Variants in BNC2 observed in about 807,000 individuals in gnomAD.
The protein encoded by BNC2 is basonuclin zinc finger protein 2.
Under a neutral mutation model 76.3 loss-of-function variants are expected in BNC2, and 20 were observed. The observed-to-expected ratio is 0.26, with a 90% CI of 0.18 to 0.38. BNC2 has a LOEUF of 0.38. Among genes scored for constraint, BNC2 ranks in the 10% least tolerant of loss-of-function variants. The probability of loss-of-function intolerance (pLI) is 1.00; values close to 1 mark genes in which losing one functional copy is unlikely to be tolerated. For missense variants in BNC2, 1,382 were observed against 1,399.8 expected, an observed-to-expected ratio of 0.99 and a Z score of 0.20; for synonymous variants, 582 against 514.8, an observed-to-expected ratio of 1.13 and a Z score of -1.77.
chr9:16,634,612 G>A (rs1243128493), intron 3 of BNC2, among the ~76,000 whole-genome samples: 1 of 150,044 alleles, frequency 6.7e-6, no homozygotes, highest in African/African-American at 2.5e-5. Context: ...CACCATTCTA[G>A]TGCCTCAGCC....
At chr9:16,631,254 G>A (rs1325844991) in intron 3 of BNC2, among the ~76,000 whole-genome samples, 1 of 152,076 alleles carries the variant, frequency 6.6e-6, no homozygotes, top group Non-Finnish European at 1.5e-5. Context: ...ATGAACCACA[G>A]ATCTAAATCC....
chr9:16,844,489 TTTTC>T (rs1818914681), intron 1 of BNC2, among the ~76,000 whole-genome samples: 5 of 122,216 alleles, frequency 4.1e-5, no homozygotes, highest in African/African-American at 1.5e-4. Flanking sequence ...AATATTTTTC[TTTTC>T]TTTTTTTTTT....
intron 5 of BNC2, among the ~76,000 whole-genome samples, chr9:16,510,918 T>C (rs1238403988): frequency 6.6e-6 from 1 of 152,178 alleles, no homozygotes; most frequent in Non-Finnish European, 1.5e-5. Context: ...TCCTTCCAGA[T>C]GACCTCAATA....
At chr9:16,532,079 T>C (rs1817993785) in intron 5 of BNC2, among the ~76,000 whole-genome samples, 1 of 152,240 alleles carries the variant, frequency 6.6e-6, no homozygotes, top group East Asian at 1.9e-4. Context: ...TACTTTCTGT[T>C]AACACATAAA....
rs906462759 is a variant in BNC2 at position 16,417,718 on chromosome 9, T to C, written c.*1271A>G. 1 of 152,676 alleles carries C rather than the reference T, an allele frequency of 6.5e-6. No individual in the cohort carries two copies. Among genetic ancestry groups the C allele is most frequent in the African/African-American group, 2.4e-5 (1 of 41,462 alleles). The allele number at this position is 152,676 out of a possible 1,614,324, so 9.5% of individuals were successfully genotyped here. ...TCGACTCTTTTACTGTATTCATCTT[T>C]GTTCCGTAGCGGGTAATTTGGGCTT... On this transcript the variant is annotated 3_prime_UTR_variant, in exon 7 of 7. Coordinates refer to ENST00000380672, the MANE Select transcript of BNC2 (RefSeq NM_017637.6).
rs557454878 is a variant in BNC2, at chr9:16,792,886, T to A, written c.4-54401A>T. 4.6e-5 allele frequency among the ~76,000 whole-genome samples: 7 copies of A among 152,344 alleles called. No individual in the cohort carries two copies. The East Asian group carries it at 1.2e-3, about 25-fold the overall frequency. On this transcript the variant is annotated intron_variant, in intron 1 of 6. Coordinates refer to ENST00000380672, the MANE Select transcript of BNC2 (RefSeq NM_017637.6). Reference sequence around the variant, plus strand: ...GGAACGTGGGAGCCTAATAAGGATGTATGATACAAAAGCAAAGGGATTAGT... The same window carrying A: ...GGAACGTGGGAGCCTAATAAGGATGAATGATACAAAAGCAAAGGGATTAGT...
At chr9:16,856,273 TCTCTCACA>T (rs1202381312) in intron 1 of BNC2, among the ~76,000 whole-genome samples, 7 of 91,912 alleles carry the variant, frequency 7.6e-5, no homozygotes, top group Admixed American at 2.9e-4. Context: ...ACTCTCTCTC[TCTCTCACA>T]CACACACACA....
intron 1 of BNC2, among the ~76,000 whole-genome samples, chr9:16,765,173 T>C (rs1479564230): frequency 6.6e-6 from 1 of 152,180 alleles, no homozygotes; most frequent in East Asian, 1.9e-4. Context: ...GATTTTTGTC[T>C]CTAATATGGT....
intron 3 of BNC2, among the ~76,000 whole-genome samples, chr9:16,590,800 C>T (rs1172270732): frequency 6.6e-6 from 1 of 151,968 alleles, no homozygotes; most frequent in Non-Finnish European, 1.5e-5. Context: ...AGAGTGAGAC[C>T]TTCATCTCAC....
intron 3 of BNC2, among the ~76,000 whole-genome samples, chr9:16,691,379 C>T (rs1034451496): frequency 6.6e-6 from 1 of 152,104 alleles, no homozygotes; most frequent in East Asian, 1.9e-4. Context: ...GTGCTTTACT[C>T]GAAAAACATC....
chr9:16,502,661 G>A (rs769260151), intron 5 of BNC2, among the ~76,000 whole-genome samples: 25 of 152,070 alleles, frequency 1.6e-4, no homozygotes, highest in Non-Finnish European at 2.9e-4. Context: ...ACAGGTCTGA[G>A]GAAGCCACAG....
chr9:16,612,169 C>T (rs1462228118), intron 3 of BNC2, among the ~76,000 whole-genome samples: 1 of 152,154 alleles, frequency 6.6e-6, no homozygotes, highest in East Asian at 1.9e-4. Context: ...TTTCTCCCCA[C>T]ATCTGGAGAT....
intron 3 of BNC2, among the ~76,000 whole-genome samples, chr9:16,690,329 T>A (rs151115306): frequency 6.6e-6 from 1 of 151,674 alleles, no homozygotes; most frequent in Non-Finnish European, 1.5e-5. Flanking sequence ...GAAAGAAAAA[T>A]TAGCTGGGTG....
intron 5 of BNC2, among the ~76,000 whole-genome samples, chr9:16,474,814 T>G (rs548189051): frequency 5.1e-4 from 77 of 152,226 alleles, no homozygotes; most frequent in African/African-American, 1.7e-3. Context: ...TCACATACCA[T>G]AGTAATTCTA....
intron 5 of BNC2, among the ~76,000 whole-genome samples, chr9:16,470,350 C>A (rs530999164): frequency 2.6e-4 from 40 of 152,124 alleles, no homozygotes; most frequent in Non-Finnish European, 4.0e-4. Context: ...AATTTGCAGG[C>A]TGACTATGTG....
At chr9:16,867,316 T>C (rs924968020) in intron 1 of BNC2, 1 of 152,220 alleles carries the variant, frequency 6.6e-6, no homozygotes, top group Admixed American at 6.5e-5. Context: ...ATAGTATTTA[T>C]ACACAATACT....
At chr9:16,517,318 T>C (rs1160889487) in intron 5 of BNC2, among the ~76,000 whole-genome samples, 1 of 152,194 alleles carries the variant, frequency 6.6e-6, no homozygotes, top group African/African-American at 2.4e-5. Context: ...AATTAAATGT[T>C]AGTCAATCTT....
chr9:16,623,788 G>C (rs982685809), intron 3 of BNC2, among the ~76,000 whole-genome samples: 1 of 152,170 alleles, frequency 6.6e-6, no homozygotes, highest in Non-Finnish European at 1.5e-5. Context: ...CGTGAGGCCA[G>C]TTTTGAGATC....
chr9:16,474,314 A>G (rs1315017729), intron 5 of BNC2, among the ~76,000 whole-genome samples: 1 of 152,246 alleles, frequency 6.6e-6, no homozygotes, highest in East Asian at 1.9e-4. Flanking sequence ...GAAACAGCAG[A>G]AAGAAGAACA....
Sources: gnomAD v4.1 joint callset for allele counts (sites outside exome capture counted in the v4.1 genomes callset) on GRCh38, gnomAD v4.1.1 for gene constraint, MANE v1.5 for transcripts, NCBI Gene and HGNC (gene_info 2026-07-23, HGNC 2026-07-21) for gene names.